The following KDM4B variants were observed in gnomAD, a reference collection of about 807,000 sequenced individuals.
The protein encoded by KDM4B is lysine-specific demethylase 4B.
A neutral mutation model predicts 125.2 loss-of-function variants in KDM4B; 32 were observed. The ratio of observed to expected loss-of-function variants is 0.26; its 90% CI spans 0.19 to 0.34. KDM4B has a LOEUF of 0.34. KDM4B is among the 10% of genes least tolerant of loss of function. KDM4B has a pLI of 1.00. For missense variants in KDM4B, 1,190 were observed against 1,577.7 expected, an observed-to-expected ratio of 0.75 and a Z score of 4.16; for synonymous variants, 721 against 677.9, an observed-to-expected ratio of 1.06 and a Z score of -0.99.
intron 7 of KDM4B, 68 bp from the exon 8 acceptor site, chr19:5,077,299 G>A (rs2145849312): frequency 7.4e-7 from 1 of 1,359,888 alleles, no homozygotes; most frequent in Non-Finnish European, 1.0e-6. Context: ...CCTGCCCAGA[G>A]GGCAGCATCC....
intron 5 of KDM4B, chr19:5,047,161 G>A (rs1599495973): frequency 3.8e-6 from 1 of 266,050 alleles, no homozygotes; most frequent in Non-Finnish European, 7.2e-6. Flanking sequence ...GCCAGGTGTG[G>A]TTTCTCACGC....
chr19:5,118,157 CCT>C (rs1379948976), intron 10 of KDM4B, among the ~76,000 whole-genome samples: 2 of 152,214 alleles, frequency 1.3e-5, no homozygotes, highest in African/African-American at 4.8e-5. Context: ...CCACCCCACC[CCT>C]GTCAGATGAG....
At chr19:5,077,094 A>G (rs2038140661) in intron 7 of KDM4B, 3 of 480,314 alleles carry the variant, frequency 6.2e-6, no homozygotes, top group Admixed American at 3.7e-5. Flanking sequence ...ATCTGCTCAC[A>G]TGGTCACTGC....
chr19:5,000,715 G>A lies in KDM4B; in HGVS notation c.-108-15542G>A, dbSNP rs115087542. Among the ~76,000 whole-genome samples, 1,163 of 152,194 alleles carry A rather than the reference G, an allele frequency of 7.6e-3. 12 individuals carry two copies. Among genetic ancestry groups the A allele is most frequent in the African/African-American group, 0.027 (1,117 of 41,514 alleles). On this transcript the variant is annotated intron_variant, in intron 1 of 22. Transcript: ENST00000159111. ...ATTTTTTTCCCCCTTCTTTACTGTGGTTATATTGTTTGCTTGAAATAAGGT... is the reference window on the plus strand; with the variant it reads ...ATTTTTTTCCCCCTTCTTTACTGTGATTATATTGTTTGCTTGAAATAAGGT...
intron 21 of KDM4B, among the ~76,000 whole-genome samples, chr19:5,146,184 C>G (rs998626049): frequency 6.6e-6 from 1 of 150,600 alleles, no homozygotes; most frequent in Non-Finnish European, 1.5e-5. Context: ...CCTTGCCATG[C>G]AGGCCGGCCC....
intron 3 of KDM4B, among the ~76,000 whole-genome samples, chr19:5,033,566 C>T (rs1240130996): frequency 6.6e-6 from 1 of 151,868 alleles, no homozygotes; most frequent in African/African-American, 2.4e-5. Flanking sequence ...GGCAGCAGAG[C>T]AAGACCCTGT....
intron 1 of KDM4B, among the ~76,000 whole-genome samples, chr19:4,986,880 G>C (rs986416546): frequency 6.6e-6 from 1 of 152,264 alleles, no homozygotes; most frequent in South Asian, 2.1e-4. Context: ...AGCAGTGCCT[G>C]CTGCCTAGTC....
At chr19:5,128,456 G>A (rs750975035) in intron 11 of KDM4B, among the ~76,000 whole-genome samples, 143 of 152,306 alleles carry the variant, frequency 9.4e-4, no homozygotes, top group Middle Eastern at 3.4e-3. Context: ...CCCAGTCCCC[G>A]GTGAGGCTGG....
At chr19:5,056,666 A>G (rs1481687218) in intron 6 of KDM4B, among the ~76,000 whole-genome samples, 2 of 152,202 alleles carry the variant, frequency 1.3e-5, no homozygotes, top group Non-Finnish European at 2.9e-5. Context: ...TTGGCCTCCC[A>G]AAGTGCTGGC....
At chr19:4,973,242 A>G (rs1305090706) in intron 1 of KDM4B, among the ~76,000 whole-genome samples, 4 of 152,164 alleles carry the variant, frequency 2.6e-5, no homozygotes, top group Admixed American at 2.6e-4. Context: ...AGGCTGGAGT[A>G]CAGTGGCTAG....
intron 2 of KDM4B, among the ~76,000 whole-genome samples, chr19:5,021,636 GTTTTTTTT>G (rs397859195): frequency 7.9e-6 from 1 of 126,280 alleles, no homozygotes; most frequent in Non-Finnish European, 1.6e-5. Context: ...CCTGGCACAG[GTTTTTTTT>G]TTTTTTTTTT....
chr19:5,062,048 C>T (rs894792142), intron 6 of KDM4B, among the ~76,000 whole-genome samples: 1 of 152,186 alleles, frequency 6.6e-6, no homozygotes, highest in Non-Finnish European at 1.5e-5. Context: ...GGGGCCTGCA[C>T]CTGCTCTGGG....
chr19:5,011,618 C>T (rs1006660970), intron 1 of KDM4B, among the ~76,000 whole-genome samples: 3 of 152,202 alleles, frequency 2.0e-5, no homozygotes, highest in South Asian at 2.1e-4. Context: ...TGGGCCATCC[C>T]GGCTCAGGCA....
rs187457414 is a variant in KDM4B, at chr19:5,045,291, G to A, written c.433-2185G>A. 4.2e-4 allele frequency among the ~76,000 whole-genome samples: 64 copies of A among 152,298 alleles called. 1 individual carries two copies. The highest frequency in any genetic ancestry group is 1.6e-3 in the Admixed American group (25 of 15,304). On this transcript the variant is annotated intron_variant, in intron 5 of 22. Transcript: ENST00000159111. ...TTGCCATTTCAATCTGCATTCCCCC[G>A]ATGGCTGCCTTCGCGGCGGGGCCCC...
At chr19:5,059,342 C>T (rs546240146) in intron 6 of KDM4B, among the ~76,000 whole-genome samples, 12 of 152,322 alleles carry the variant, frequency 7.9e-5, no homozygotes, top group East Asian at 1.9e-4. Flanking sequence ...ACGGGGCGGG[C>T]GCAGGATGGG....
At chr19:5,126,477 G>A (rs1418518281) in intron 11 of KDM4B, among the ~76,000 whole-genome samples, 1 of 152,186 alleles carries the variant, frequency 6.6e-6, no homozygotes, top group Non-Finnish European at 1.5e-5. Flanking sequence ...GAGCCAGGAT[G>A]GGGACCCAGG....
intron 9 of KDM4B, among the ~76,000 whole-genome samples, chr19:5,089,700 T>TAA (rs35181412): frequency 2.3e-4 from 33 of 143,622 alleles, no homozygotes; most frequent in South Asian, 1.3e-3. Context: ...TTTTTTGTAC[T>TAA]AAAAAAAAAA....
intron 3 of KDM4B, among the ~76,000 whole-genome samples, chr19:5,037,593 T>C (rs1245856126): frequency 1.3e-5 from 2 of 152,228 alleles, no homozygotes; most frequent in African/African-American, 2.4e-5. Context: ...GTCCTTTCCT[T>C]GGGACCGGCC....
chr19:5,057,962 C>T (rs2037463062), intron 6 of KDM4B, among the ~76,000 whole-genome samples: 2 of 152,210 alleles, frequency 1.3e-5, no homozygotes, highest in Non-Finnish European at 2.9e-5. Context: ...GCCCTGGGTG[C>T]TGCTGTGTAG....
Sources: gnomAD v4.1 joint callset for allele counts (sites outside exome capture counted in the v4.1 genomes callset) on GRCh38, gnomAD v4.1.1 for gene constraint, MANE v1.5 for transcripts, NCBI Gene and HGNC (gene_info 2026-07-23, HGNC 2026-07-21) for gene names.